NLGN1: variants seen among roughly 807,000 people sequenced by gnomAD.
The protein encoded by NLGN1 is neuroligin-1.
In NLGN1, 12 loss-of-function variants were observed where a neutral mutation model predicts 65.5. The ratio of observed to expected loss-of-function variants is 0.18; its 90% CI spans 0.12 to 0.30. The LOEUF is 0.30. Among genes scored for constraint, NLGN1 ranks in the 10% least tolerant of loss-of-function variants. The pLI, the probability that NLGN1 is intolerant of heterozygous loss-of-function variation, is 1.00. For synonymous variants in NLGN1, 350 were observed against 359.5 expected (o/e 0.97, Z 0.30); for missense variants, 750 against 1,007.1 (o/e 0.74, Z 3.46).
chr3:173,707,619 G>A (rs865843118), intron 3 of NLGN1, among the ~76,000 whole-genome samples: 4 of 151,980 alleles, frequency 2.6e-5, no homozygotes, highest in Non-Finnish European at 2.9e-5. Flanking sequence ...TTAAGTAATC[G>A]GATGGATGAC....
At chr3:173,461,943 A>G (rs1723476184) in intron 2 of NLGN1, among the ~76,000 whole-genome samples, 1 of 152,176 alleles carries the variant, frequency 6.6e-6, no homozygotes, top group Non-Finnish European at 1.5e-5. Context: ...ATAGCCATGA[A>G]AAAGAAATCA....
At position 173,987,810 on chromosome 3, in the gene NLGN1, G is replaced by A. The variant is rs553121970; in HGVS notation, c.646+179978G>A. 3.3e-5 allele frequency among the ~76,000 whole-genome samples: 5 copies of A among 152,184 alleles called. No individual in the cohort carries two copies. The East Asian group carries it at 7.7e-4, about 24-fold the overall frequency. ...TTAGCAAATGACTTAATTCTTTTTG[G>A]CATTTTTCGGTAAGGGAGACTTACT... On this transcript the variant is annotated intron_variant, in intron 4 of 6. Coordinates refer to ENST00000457714, the Ensembl canonical transcript of NLGN1.
intron 4 of NLGN1, among the ~76,000 whole-genome samples, chr3:173,836,872 G>A (rs959501530): frequency 6.6e-6 from 1 of 152,074 alleles, no homozygotes; most frequent in African/African-American, 2.4e-5. Context: ...ATTTTTCTAA[G>A]GCCATCAACA....
chr3:174,267,386 A>T (rs1748475844), intron 4 of NLGN1, among the ~76,000 whole-genome samples: 1 of 152,112 alleles, frequency 6.6e-6, no homozygotes, highest in Non-Finnish European at 1.5e-5. Flanking sequence ...CCCACCTCCT[A>T]CACTGGGGAT....
At chr3:174,082,066 T>C (rs879708381) in intron 4 of NLGN1, among the ~76,000 whole-genome samples, 6 of 152,208 alleles carry the variant, frequency 3.9e-5, no homozygotes, top group Non-Finnish European at 5.9e-5. Context: ...AGTGTAATTA[T>C]TACTTTCCTA....
intron 4 of NLGN1, among the ~76,000 whole-genome samples, chr3:174,168,417 T>C (rs958718728): frequency 1.5e-4 from 23 of 152,308 alleles, no homozygotes; most frequent in African/African-American, 5.3e-4. Flanking sequence ...TTAATTATTA[T>C]TTTTCTTTCT....
chr3:174,264,258 G>A (rs62291795), intron 4 of NLGN1, among the ~76,000 whole-genome samples: 3 of 151,574 alleles, frequency 2.0e-5, no homozygotes, highest in Admixed American at 6.6e-5. Flanking sequence ...AGTTCTCCTG[G>A]ATAATATCCT....
intron 4 of NLGN1, among the ~76,000 whole-genome samples, chr3:173,854,048 G>A (rs867852211): frequency 3.3e-5 from 5 of 151,680 alleles, no homozygotes; most frequent in East Asian, 1.9e-4. Context: ...CTTAAAAATC[G>A]TAACTAAACT....
At chr3:174,021,250 T>C (rs1467897273) in intron 4 of NLGN1, among the ~76,000 whole-genome samples, 1 of 151,992 alleles carries the variant, frequency 6.6e-6, no homozygotes. Context: ...CTTTAAACAA[T>C]AATTTACAAG....
At chr3:173,932,120 T>G (rs1279812322) in intron 4 of NLGN1, among the ~76,000 whole-genome samples, 2 of 152,186 alleles carry the variant, frequency 1.3e-5, no homozygotes, top group Admixed American at 1.3e-4. Flanking sequence ...TGTTTTCTTC[T>G]TTCAATGCAT....
intron 4 of NLGN1, among the ~76,000 whole-genome samples, chr3:174,039,580 T>A (rs9837952): frequency 0.032 from 4,869 of 152,238 alleles, 254 homozygotes; most frequent in African/African-American, 0.11. Context: ...CTTTTTCCTT[T>A]GAAGATGAAG....
intron 1 of NLGN1, among the ~76,000 whole-genome samples, chr3:173,410,932 A>C (rs903983724): frequency 1.3e-5 from 2 of 152,244 alleles, no homozygotes; most frequent in African/African-American, 4.8e-5. Context: ...TCAAGGCAAC[A>C]CTTAAAATAT....
intron 2 of NLGN1, among the ~76,000 whole-genome samples, chr3:173,435,868 A>G (rs986281800): frequency 1.3e-5 from 2 of 152,154 alleles, no homozygotes; most frequent in African/African-American, 4.8e-5. Flanking sequence ...CTTTAGTAAA[A>G]GTCTATACGA....
chr3:173,574,297 A>G (rs6807402), intron 2 of NLGN1, among the ~76,000 whole-genome samples: 4,837 of 152,036 alleles, frequency 0.032, 125 homozygotes, highest in Middle Eastern at 0.14. Flanking sequence ...CCTTTTGATA[A>G]CTAAAGTATA....
intron 4 of NLGN1, among the ~76,000 whole-genome samples, chr3:174,168,905 G>T (rs1031985829): frequency 6.6e-6 from 1 of 152,164 alleles, no homozygotes; most frequent in Admixed American, 6.5e-5. Context: ...GGGATAGGGG[G>T]TGGTCTAAAC....
intron 2 of NLGN1, among the ~76,000 whole-genome samples, chr3:173,460,399 A>G (rs957360478): frequency 2.7e-4 from 41 of 152,256 alleles, no homozygotes; most frequent in African/African-American, 9.9e-4. Context: ...AAAAGCTGGG[A>G]CAGTAAGAAG....
chr3:174,041,457 A>T (rs1350275566), intron 4 of NLGN1, among the ~76,000 whole-genome samples: 1 of 152,140 alleles, frequency 6.6e-6, no homozygotes, highest in Non-Finnish European at 1.5e-5. Flanking sequence ...TATTGTACAA[A>T]TATTTTTGTG....
At chr3:174,169,836 C>T (rs943346449) in intron 4 of NLGN1, among the ~76,000 whole-genome samples, 21 of 152,158 alleles carry the variant, frequency 1.4e-4, no homozygotes, top group African/African-American at 4.8e-4. Flanking sequence ...GTGCCTACTG[C>T]ATCTGGGGAA....
intron 4 of NLGN1, among the ~76,000 whole-genome samples, chr3:173,949,082 C>G (rs1747726437): frequency 6.6e-6 from 1 of 151,784 alleles, no homozygotes; most frequent in Non-Finnish European, 1.5e-5. Context: ...TAAATAGAAA[C>G]AGCTAAACAA....
Sources: allele counts gnomAD v4.1 joint callset (sites outside exome capture counted in the v4.1 genomes callset), GRCh38; gene constraint gnomAD v4.1.1; transcripts MANE v1.5; gene names NCBI Gene and HGNC (gene_info 2026-07-23, HGNC 2026-07-21).